Variants in PEAK1 observed in about 807,000 individuals in gnomAD.
PEAK1 encodes the protein pseudopodium enriched atypical kinase 1.
In PEAK1, 54 loss-of-function variants were observed where a neutral mutation model predicts 124.7. The ratio of observed to expected loss-of-function variants is 0.43; its 90% CI spans 0.35 to 0.54. PEAK1 has a LOEUF of 0.54. PEAK1 is among the 20% of genes least tolerant of loss of function. The pLI is 0.01. For missense variants in PEAK1, 2,046 were observed against 2,134.5 expected, an observed-to-expected ratio of 0.96 and a Z score of 0.82; for synonymous variants, 719 against 760.0, an observed-to-expected ratio of 0.95 and a Z score of 0.89.
chr15:77,313,162 T>G (rs1044258588), intron 2 of PEAK1, among the ~76,000 whole-genome samples: 2 of 152,134 alleles, frequency 1.3e-5, no homozygotes, highest in Non-Finnish European at 2.9e-5. Flanking sequence ...AGAAAATTTT[T>G]TAAATGCTTA....
chr15:77,253,599 G>A (rs1439206223), intron 5 of PEAK1, among the ~76,000 whole-genome samples: 2 of 151,946 alleles, frequency 1.3e-5, no homozygotes, highest in Non-Finnish European at 2.9e-5. Flanking sequence ...ATGTGAAATT[G>A]TCTTACTTTA....
At chr15:77,227,254 T>C (rs2059719571) in intron 6 of PEAK1, among the ~76,000 whole-genome samples, 1 of 152,192 alleles carries the variant, frequency 6.6e-6, no homozygotes, top group Non-Finnish European at 1.5e-5. Context: ...CCATTCTTAT[T>C]ACATATTTTG....
At chr15:77,358,232 C>T (rs1293090133) in intron 2 of PEAK1, among the ~76,000 whole-genome samples, 1 of 152,124 alleles carries the variant, frequency 6.6e-6, no homozygotes, top group Admixed American at 6.5e-5. Flanking sequence ...TGTATATATG[C>T]ATGTTCAAGC....
chr15:77,251,346 TATA>T (rs1447285092), intron 6 of PEAK1, among the ~76,000 whole-genome samples: 3 of 152,210 alleles, frequency 2.0e-5, no homozygotes, highest in Non-Finnish European at 4.4e-5. Flanking sequence ...GAAAAAATCT[TATA>T]ATCCTTCAAA....
chr15:77,362,225 C>T (rs1415713465), intron 2 of PEAK1, among the ~76,000 whole-genome samples: 1 of 151,906 alleles, frequency 6.6e-6, no homozygotes, highest in Non-Finnish European at 1.5e-5. Context: ...ACATTCCCAA[C>T]ACAAAGAAAT....
chr15:77,418,698 A>T (rs961264675), intron 1 of PEAK1: 2 of 985,330 alleles, frequency 2.0e-6, no homozygotes, highest in African/African-American at 3.5e-5. Context: ...AGCCATCATG[A>T]AGTGAGTATC....
At chr15:77,267,512 A>C (rs2061800365) in intron 5 of PEAK1, among the ~76,000 whole-genome samples, 1 of 152,098 alleles carries the variant, frequency 6.6e-6, no homozygotes, top group Non-Finnish European at 1.5e-5. Flanking sequence ...TGGCTGAGAG[A>C]CCTGAAGACA....
chr15:77,150,069 G>A (rs948954153), intron 8 of PEAK1, among the ~76,000 whole-genome samples: 1 of 152,056 alleles, frequency 6.6e-6, no homozygotes. Flanking sequence ...ACTTTTAAAA[G>A]GAAGGCAACA....
intron 7 of PEAK1, among the ~76,000 whole-genome samples, chr15:77,176,188 C>A (rs931818855): frequency 6.9e-6 from 1 of 145,380 alleles, no homozygotes; most frequent in South Asian, 2.2e-4. Flanking sequence ...ACCAGCATGG[C>A]ACATGTATAC....
intron 7 of PEAK1, among the ~76,000 whole-genome samples, chr15:77,171,651 AT>A (rs1468200947): frequency 6.6e-6 from 1 of 152,180 alleles, no homozygotes; most frequent in Admixed American, 6.5e-5. Flanking sequence ...TAACATTATT[AT>A]ATAGTTTCAG....
At chr15:77,298,299 A>G (rs1597172589) in intron 2 of PEAK1, among the ~76,000 whole-genome samples, 1 of 128,984 alleles carries the variant, frequency 7.8e-6, no homozygotes, top group Non-Finnish European at 1.6e-5. Context: ...GCTCACTGCA[A>G]GCTCCGCCTC....
rs1441699009 is a variant in PEAK1, at chr15:77,113,956, C to G, written c.*200G>C. 1 of 582,806 alleles carries G rather than the reference C, an allele frequency of 1.7e-6. No homozygotes were observed. Among genetic ancestry groups the G allele is most frequent in the African/African-American group, 1.9e-5 (1 of 53,868 alleles). 36.1% of individuals were successfully genotyped at this position (582,806 alleles called of 1,614,324 possible). A position where few individuals can be genotyped will look rare whatever the true frequency, so the allele number is the denominator to read the frequency against. ...ACTGCAAGTTTGTGCAGCTGAATTT[C>G]TGTAAAGTTAAGACAGACTCAGCTT... On this transcript the variant is annotated 3_prime_UTR_variant, in exon 10 of 10. Transcript: ENST00000682557.
intron 1 of PEAK1, among the ~76,000 whole-genome samples, chr15:77,369,534 TG>T (rs2068499619): frequency 6.6e-6 from 1 of 152,196 alleles, no homozygotes; most frequent in South Asian, 2.1e-4. Flanking sequence ...GGCCTGTTTT[TG>T]TCTGATTTAT....
intron 2 of PEAK1, among the ~76,000 whole-genome samples, chr15:77,358,849 T>C (rs2067697761): frequency 6.6e-6 from 1 of 152,208 alleles, no homozygotes; most frequent in African/African-American, 2.4e-5. Flanking sequence ...ACACACAAGT[T>C]GTGAAATAAA....
At chr15:77,172,590 A>C (rs1290204454) in intron 7 of PEAK1, among the ~76,000 whole-genome samples, 1 of 152,204 alleles carries the variant, frequency 6.6e-6, no homozygotes, top group Non-Finnish European at 1.5e-5. Flanking sequence ...TTCATGAAAG[A>C]GGGGGCTAGT....
intron 2 of PEAK1, chr15:77,347,946 T>C (rs2066967049): frequency 1.0e-6 from 1 of 985,192 alleles, no homozygotes; most frequent in Non-Finnish European, 1.2e-6. Flanking sequence ...AAGCACTGAA[T>C]GATTCCCAAA....
intron 6 of PEAK1, among the ~76,000 whole-genome samples, chr15:77,189,468 C>T (rs537361579): frequency 6.6e-6 from 1 of 151,704 alleles, no homozygotes; most frequent in African/African-American, 2.4e-5. Context: ...CAGCACTGTC[C>T]ACCATAGTGG....
intron 2 of PEAK1, chr15:77,347,918 AG>A: frequency 1.0e-6 from 1 of 985,028 alleles, no homozygotes; most frequent in African/African-American, 1.7e-5. Context: ...CCTTAATTGA[AG>A]GATAAACTTT....
At position 77,180,698 on chromosome 15, in the gene PEAK1, G is replaced by A. The variant is rs1302632869; in HGVS notation, c.1229C>T (p.Pro410Leu). The change falls in exon 7 of 10, where the codon CCA becomes CTA. Residue 410 changes from proline to leucine, a missense_variant. By Grantham distance (98) the Pro-to-Leu change is moderately conservative. Coordinates refer to ENST00000682557, the MANE Select transcript of PEAK1 (RefSeq NM_001385026.1). Reference sequence around the variant, plus strand: ...AGCAAGGACTGCTTTGTGGGTCTCTGGAACTTTTATTGAGCTTTTGGAAGC... The same window carrying A: ...AGCAAGGACTGCTTTGTGGGTCTCTAGAACTTTTATTGAGCTTTTGGAAGC... ...SQASKSSIKV[P>L]ETHKAVLALR... is the part of the protein sequence containing the mutation. 1.2e-6 allele frequency: 2 copies of A among 1,613,844 alleles called. No homozygotes were observed. Among genetic ancestry groups the A allele is most frequent in the Non-Finnish European group, 1.7e-6 (2 of 1,179,986 alleles).
Sources: gnomAD v4.1 joint callset for allele counts (sites outside exome capture counted in the v4.1 genomes callset) on GRCh38, gnomAD v4.1.1 for gene constraint, MANE v1.5 for transcripts, NCBI Gene and HGNC (gene_info 2026-07-23, HGNC 2026-07-21) for gene names.